The following NFKB1 variants were observed in gnomAD, a reference collection of about 807,000 sequenced individuals.
The protein encoded by NFKB1 is nuclear factor kappa B subunit 1, also known as nuclear factor NF-kappa-B p105 subunit.
In NFKB1, 9 loss-of-function variants were observed where a neutral mutation model predicts 105.1. The ratio of observed to expected loss-of-function variants is 0.09; its 90% confidence interval spans 0.05 to 0.15. The LOEUF is 0.15. NFKB1 is among the 10% of genes least tolerant of loss of function. The pLI is 1.00. For missense variants in NFKB1, 830 were observed against 1,203.7 expected, an observed-to-expected ratio of 0.69 and a Z score of 4.59; for synonymous variants, 440 against 442.2, an observed-to-expected ratio of 1.00 and a Z score of 0.06.
intron 5 of NFKB1, among the ~76,000 whole-genome samples, chr4:102,539,291 C>T (rs1741848667): frequency 6.6e-6 from 1 of 150,680 alleles, no homozygotes; most frequent in Non-Finnish European, 1.5e-5. Context: ...GCCAGCCTTG[C>T]ATTTTGTTTC....
At position 102,576,886 on chromosome 4, in the gene NFKB1, C is replaced by T. The variant is rs1307333082; in HGVS notation, c.418C>T (p.Leu140=). 4.3e-6 allele frequency: 7 copies of T among 1,610,130 alleles called. No homozygotes were observed. The highest frequency in any genetic ancestry group is 2.2e-5 in the South Asian group (2 of 90,184). The change falls in exon 7 of 24, where the codon CTG becomes TTG. Residue 140 remains leucine (L), a synonymous_variant. Transcript: ENST00000226574. ...CTGTTTTTTCTCCAGCTTCGCAAAC[C>T]TGGGTATACTTCATGTGACAAAGAA... ...PKDMVVGFAN[L]GILHVTKKKV... is the part of the protein sequence containing the mutation.
chr4:102,607,622 C>G (rs373225107), intron 18 of NFKB1, 27 bp from the exon 19 acceptor site: 1 of 1,608,044 alleles, frequency 6.2e-7, no homozygotes, highest in African/African-American at 1.3e-5. Context: ...CTTCCACTAA[C>G]GCTTTCTTGT....
intron 22 of NFKB1, 88 bp downstream of exon 22, chr4:102,612,694 C>T (rs1728539656): frequency 7.7e-7 from 1 of 1,293,882 alleles, no homozygotes; most frequent in African/African-American, 1.5e-5. Context: ...CTTCCCTTTT[C>T]CTTAACTCTG....
At chr4:102,570,889 G>A (rs990554378) in intron 6 of NFKB1, among the ~76,000 whole-genome samples, 26 of 152,210 alleles carry the variant, frequency 1.7e-4, no homozygotes, top group Admixed American at 5.9e-4. Context: ...AATCAATATC[G>A]TGAAAATGGC....
chr4:102,512,231 A>G (rs188214409), intron 1 of NFKB1, among the ~76,000 whole-genome samples: 1 of 152,388 alleles, frequency 6.6e-6, no homozygotes, highest in East Asian at 1.9e-4. Context: ...TGACAGAGAC[A>G]TGGGAGAAAG....
intron 22 of NFKB1, 40 bp downstream of exon 22, chr4:102,612,646 C>CTT (rs1442892932): frequency 1.3e-6 from 2 of 1,571,830 alleles, no homozygotes; most frequent in South Asian, 2.2e-5. Context: ...TTTCATTTGA[C>CTT]TTTACTCTGT....
chr4:102,544,552 G>A (rs1370738945), intron 5 of NFKB1, among the ~76,000 whole-genome samples: 1 of 152,130 alleles, frequency 6.6e-6, no homozygotes, highest in South Asian at 2.1e-4. Flanking sequence ...CTGTGTGTCA[G>A]GTACTGCTCT....
At chr4:102,527,535 A>G (rs966951699) in intron 2 of NFKB1, among the ~76,000 whole-genome samples, 2 of 152,226 alleles carry the variant, frequency 1.3e-5, no homozygotes, top group Non-Finnish European at 2.9e-5. Flanking sequence ...TTCTATAAAT[A>G]AAATGGACAT....
chr4:102,548,145 G>C (rs1435386999), intron 5 of NFKB1, among the ~76,000 whole-genome samples: 1 of 152,092 alleles, frequency 6.6e-6, no homozygotes, highest in Non-Finnish European at 1.5e-5. Flanking sequence ...TGGAGAAAGA[G>C]AGAGAAAGGA....
At chr4:102,586,439 G>T (rs1222551233) in intron 11 of NFKB1, among the ~76,000 whole-genome samples, 1 of 152,130 alleles carries the variant, frequency 6.6e-6, no homozygotes. Flanking sequence ...TTAGTAGGCA[G>T]ATCAAAAGGC....
chr4:102,561,894 A>G (rs1723472190), intron 5 of NFKB1, among the ~76,000 whole-genome samples: 1 of 152,178 alleles, frequency 6.6e-6, no homozygotes, highest in Admixed American at 6.5e-5. Context: ...GCTAGGTTGC[A>G]TATGGTTTTC....
chr4:102,549,735 G>A (rs1487176473), intron 5 of NFKB1, among the ~76,000 whole-genome samples: 1 of 151,982 alleles, frequency 6.6e-6, no homozygotes, highest in Non-Finnish European at 1.5e-5. Context: ...CCCCTTTCCG[G>A]AATGTGGTTG....
chr4:102,573,608 C>A (rs1483296670), intron 6 of NFKB1, among the ~76,000 whole-genome samples: 1 of 151,982 alleles, frequency 6.6e-6, no homozygotes, highest in Non-Finnish European at 1.5e-5. Context: ...ACTTTTTGGC[C>A]ATTATTTTTT....
At chr4:102,586,402 C>T (rs1489504370) in intron 11 of NFKB1, among the ~76,000 whole-genome samples, 4 of 151,968 alleles carry the variant, frequency 2.6e-5, no homozygotes, top group African/African-American at 9.7e-5. Context: ...TATTTTAGGT[C>T]CCTGTGGGAA....
At chr4:102,528,078 AATTTGCTCTCCAC>A (rs1301164225) in intron 2 of NFKB1, among the ~76,000 whole-genome samples, 2 of 151,936 alleles carry the variant, frequency 1.3e-5, no homozygotes, top group Admixed American at 1.3e-4. Flanking sequence ...TGGAGTCTGG[AATTTGCTCTCCAC>A]CCTGACCTAA....
chr4:102,562,955 C>A (rs1723561561), intron 5 of NFKB1, among the ~76,000 whole-genome samples: 1 of 152,180 alleles, frequency 6.6e-6, no homozygotes. Context: ...CATGTATCAC[C>A]TCTTACATTC....
intron 2 of NFKB1, among the ~76,000 whole-genome samples, 158 bp downstream of exon 2, chr4:102,525,715 G>T (rs1213793325): frequency 1.3e-5 from 2 of 152,042 alleles, no homozygotes. Flanking sequence ...AGTTGGAGAG[G>T]ATATGTCATG....
chr4:102,598,413 A>G (rs1265928752), intron 15 of NFKB1, among the ~76,000 whole-genome samples: 1 of 152,210 alleles, frequency 6.6e-6, no homozygotes, highest in Non-Finnish European at 1.5e-5. Flanking sequence ...AATAGCATCA[A>G]CATAGAGAAA....
At chr4:102,607,024 A>G (rs1030733001) in intron 17 of NFKB1, 126 bp from the exon 18 acceptor site, 30 of 952,296 alleles carry the variant, frequency 3.2e-5, no homozygotes, top group African/African-American at 1.6e-5. Flanking sequence ...AAGCAGAACA[A>G]TAGACTTATA....
Sources: allele counts gnomAD v4.1 joint callset (sites outside exome capture counted in the v4.1 genomes callset), GRCh38; gene constraint gnomAD v4.1.1; transcripts MANE v1.5; gene names NCBI Gene and HGNC (gene_info 2026-07-23, HGNC 2026-07-21).